The following PKIB variants were observed in gnomAD, a reference collection of about 807,000 sequenced individuals.
The protein encoded by PKIB is PKI-beta.
A neutral mutation model predicts 4.5 loss-of-function variants in PKIB; 2 were observed. That is an observed-to-expected ratio of 0.44 (90% CI 0.18 to 1.39). The LOEUF (loss-of-function observed/expected upper bound fraction) is 1.39, where lower values mean the gene tolerates loss of function less well. Ranked by LOEUF, PKIB falls within the 40% of genes most tolerant of loss-of-function variation. The pLI is 0.27. For synonymous variants in PKIB, 38 were observed against 36.0 expected, an observed-to-expected ratio of 1.06 and a Z score of -0.20; for missense variants, 94 against 92.6, an observed-to-expected ratio of 1.02 and a Z score of -0.06.
intron 1 of PKIB, among the ~76,000 whole-genome samples, chr6:122,627,244 CAAAAAAAAAAAAG>C (rs1040255132): frequency 2.4e-4 from 31 of 129,252 alleles, no homozygotes; most frequent in Admixed American, 9.5e-4. Flanking sequence ...ACTCCGTCTC[CAAAAAAAAAAAAG>C]AAAAAAAAAT....
chr6:122,508,471 G>T (rs1199457771), intron 2 of PKIB, among the ~76,000 whole-genome samples: 1 of 152,154 alleles, frequency 6.6e-6, no homozygotes, highest in African/African-American at 2.4e-5. Context: ...GTGTTAAGGT[G>T]TAAGGTGTGT....
chr6:122,505,370 G>A (rs1776364975), intron 2 of PKIB, among the ~76,000 whole-genome samples: 1 of 152,042 alleles, frequency 6.6e-6, no homozygotes, highest in Non-Finnish European at 1.5e-5. Context: ...GTTTATACAG[G>A]CACCCCACAA....
At chr6:122,502,096 G>A (rs1048610696) in intron 2 of PKIB, among the ~76,000 whole-genome samples, 1 of 151,586 alleles carries the variant, frequency 6.6e-6, no homozygotes, top group African/African-American at 2.4e-5. Context: ...GGGATTACAG[G>A]CCTGCACCAC....
At chr6:122,600,779 T>C (rs186417400) in intron 3 of PKIB, among the ~76,000 whole-genome samples, 1 of 151,940 alleles carries the variant, frequency 6.6e-6, no homozygotes, top group African/African-American at 2.4e-5. Flanking sequence ...TGGAATCTAA[T>C]AAAAAATGAG....
At chr6:122,693,663 G>T (rs190671680) in intron 3 of PKIB, among the ~76,000 whole-genome samples, 18 of 152,270 alleles carry the variant, frequency 1.2e-4, no homozygotes, top group African/African-American at 3.6e-4. Context: ...AAATGATGTG[G>T]ACTACACAGT....
chr6:122,663,454 A>G (rs1442333852), intron 2 of PKIB, among the ~76,000 whole-genome samples: 1 of 152,186 alleles, frequency 6.6e-6, no homozygotes, highest in Admixed American at 6.5e-5. Context: ...ACAAGAAAGT[A>G]CCACAAACTG....
intron 2 of PKIB, among the ~76,000 whole-genome samples, chr6:122,531,687 G>C (rs1054592048): frequency 6.6e-6 from 1 of 152,000 alleles, no homozygotes; most frequent in Non-Finnish European, 1.5e-5. Context: ...TTCTGGTAAG[G>C]GTTTCCTAAC....
intron 3 of PKIB, among the ~76,000 whole-genome samples, chr6:122,682,402 TG>T (rs1777931591): frequency 1.3e-5 from 2 of 152,128 alleles, no homozygotes; most frequent in South Asian, 4.1e-4. Context: ...GTCACATTAA[TG>T]CTACCATTAT....
intron 2 of PKIB, chr6:122,585,444 A>G (rs1029585384): frequency 1.3e-5 from 2 of 152,170 alleles, no homozygotes. Flanking sequence ...GGCTAAAGCT[A>G]AAAGGGGCCA....
intron 3 of PKIB, among the ~76,000 whole-genome samples, chr6:122,683,757 C>T (rs1777991484): frequency 6.6e-6 from 1 of 152,152 alleles, no homozygotes; most frequent in Non-Finnish European, 1.5e-5. Flanking sequence ...CTAAGCAAGA[C>T]TCAAGGGCAA....
rs1772877588 is a variant in PKIB at position 122,557,372 on chromosome 6, G to A, written c.-247-28549G>A. Among the ~76,000 whole-genome samples the A allele has an allele frequency of 2.0e-5, 3 of 152,268 alleles. No individual in the cohort carries two copies. In the South Asian group the frequency reaches 6.2e-4, roughly 32 times the overall value. ...GAGCTCCCTATAATCAACCAAGGAA[G>A]AACAAAATTTGGGGTCTGCTTTATA... On this transcript the variant is annotated intron_variant, in intron 2 of 6. Transcript: ENST00000392491.
At chr6:122,576,711 TTTTC>T (rs1241840819) in intron 2 of PKIB, among the ~76,000 whole-genome samples, 10 of 75,658 alleles carry the variant, frequency 1.3e-4, no homozygotes, top group African/African-American at 4.6e-4. Flanking sequence ...TATATATATA[TTTTC>T]TTTTGTATAA....
intron 1 of PKIB, among the ~76,000 whole-genome samples, chr6:122,631,379 AGT>A (rs1775694851): frequency 6.6e-6 from 1 of 152,170 alleles, no homozygotes; most frequent in South Asian, 2.1e-4. Context: ...AATATATTAC[AGT>A]GTAATTCCTT....
chr6:122,541,808 T>A lies in PKIB; in HGVS notation c.-247-44113T>A, dbSNP rs943860721. Among the ~76,000 whole-genome samples, 4 of 152,030 alleles carry A rather than the reference T, an allele frequency of 2.6e-5. 1 individual carries two copies. The highest frequency in any genetic ancestry group is 9.7e-5 in the African/African-American group (4 of 41,380). ...AACTTGGTTCCATTCTCCCCGTCATTTTCAGGTACACCAATCAGACGTAGA... is the reference window on the plus strand; with the variant it reads ...AACTTGGTTCCATTCTCCCCGTCATATTCAGGTACACCAATCAGACGTAGA... On this transcript the variant is annotated intron_variant, in intron 2 of 6. Coordinates refer to the PKIB transcript ENST00000392491.
chr6:122,617,912 T>C (rs2114779677), intron 1 of PKIB, among the ~76,000 whole-genome samples: 1 of 152,294 alleles, frequency 6.6e-6, no homozygotes, highest in Non-Finnish European at 1.5e-5. Context: ...GTTTTTTACA[T>C]TAATGTAACA....
chr6:122,541,798 T>A (rs1294822482), intron 2 of PKIB, among the ~76,000 whole-genome samples: 3 of 151,936 alleles, frequency 2.0e-5, no homozygotes, highest in Non-Finnish European at 4.4e-5. Flanking sequence ...GGTTCCATTC[T>A]CCCCGTCATT....
intron 2 of PKIB, among the ~76,000 whole-genome samples, chr6:122,634,835 A>T (rs1394028812): frequency 6.6e-6 from 1 of 151,982 alleles, no homozygotes; most frequent in African/African-American, 2.4e-5. Flanking sequence ...CCAGCTACTC[A>T]GGAGGCTGAG....
intron 2 of PKIB, among the ~76,000 whole-genome samples, chr6:122,641,500 A>G (rs1252286020): frequency 6.6e-6 from 1 of 152,208 alleles, no homozygotes; most frequent in Non-Finnish European, 1.5e-5. Flanking sequence ...TGAATAAACT[A>G]GAATTTTCCC....
intron 2 of PKIB, among the ~76,000 whole-genome samples, chr6:122,560,370 A>G (rs183953338): frequency 6.6e-6 from 1 of 152,216 alleles, no homozygotes; most frequent in Admixed American, 6.5e-5. Context: ...ATGCTAAACC[A>G]TCCCTGCATC....
Sources: gnomAD v4.1 joint callset for allele counts (sites outside exome capture counted in the v4.1 genomes callset) on GRCh38, gnomAD v4.1.1 for gene constraint, MANE v1.5 for transcripts, NCBI Gene and HGNC (gene_info 2026-07-23, HGNC 2026-07-21) for gene names.